ATP2A1: variants seen among roughly 807,000 people sequenced by gnomAD.
The protein encoded by ATP2A1 is sarcoplasmic/endoplasmic reticulum calcium ATPase 1.
ATP2A1 carries 83 observed loss-of-function variants against 109.5 expected under a neutral mutation model. That is an observed-to-expected ratio of 0.76 (90% CI 0.63 to 0.91). The LOEUF is 0.91. Ranked by LOEUF, ATP2A1 falls within the 40% of genes least tolerant of loss-of-function variation. ATP2A1 has a pLI of 0.00. For missense variants in ATP2A1, 1,101 were observed against 1,341.0 expected (o/e 0.82, Z 2.80); for synonymous variants, 505 against 537.6 (o/e 0.94, Z 0.84).
chr16:28,882,336 A>G (rs1567479771), intron 4 of ATP2A1, 115 bp from the exon 5 acceptor site: 1 of 1,500,042 alleles, frequency 6.7e-7, no homozygotes, highest in Non-Finnish European at 9.2e-7. Flanking sequence ...AGTTTCCTCA[A>G]CATACACACA....
chr16:28,890,568 T>C (rs1963740605), intron 9 of ATP2A1, among the ~76,000 whole-genome samples: 1 of 152,008 alleles, frequency 6.6e-6, no homozygotes, highest in Non-Finnish European at 1.5e-5. Flanking sequence ...GGCGGAAGGA[T>C]CACTTGAGCC....
intron 8 of ATP2A1, 96 bp from the exon 9 acceptor site, chr16:28,888,691 C>A (rs1362886664): frequency 7.0e-7 from 1 of 1,436,922 alleles, no homozygotes; most frequent in South Asian, 1.3e-5. Context: ...AGGTGTGCAC[C>A]AACGTGCCCA....
Position 28,898,287 on chromosome 16 carries a change from C to T in ATP2A1, c.1600C>T (p.Arg534Trp), listed in dbSNP as rs376651574. 39 of 1,614,092 alleles carry T rather than the reference C, an allele frequency of 2.4e-5. No individual in the cohort carries two copies. The highest frequency in any genetic ancestry group is 2.0e-4 in the South Asian group (18 of 91,090). ...TAACTATGTGCGAGTTGGCACCACC[C>T]GGGTGCCACTGACGGGGCCGGTGAA... The part of the protein sequence containing the change: ...RCNYVRVGTT[R>W]VPLTGPVKEK... Residue 534 changes from arginine (R) to tryptophan (W), a missense_variant, in exon 14 of 23, where the codon CGG (arginine) becomes TGG (tryptophan). By Grantham distance (101) the Arg-to-Trp change is moderately radical (BLOSUM62 -3). Transcript: ENST00000395503. The surrounding 1 kb of genome is among the most constrained non-coding windows in gnomAD (Gnocchi z 4.0).
In ATP2A1 at chr16:28,879,117, GT is replaced by G; in HGVS notation, c.136+2del. 1 of 1,614,062 alleles carries G rather than the reference GT, an allele frequency of 6.2e-7. No homozygotes were observed. Among genetic ancestry groups the G allele is most frequent in the Non-Finnish European group, 8.5e-7 (1 of 1,179,996 alleles). ...TGGGTAGAGCTCCCTGCTGAGGAAG[GT>G]AAGTTACTGGAATCCCTGAACTCTC... On this transcript the variant is annotated splice_donor_variant, in intron 2 of 22. Transcript: ENST00000395503. LOFTEE classifies it high-confidence loss of function.
rs1347500293 is a variant in ATP2A1, at chr16:28,880,150, C to T, written c.219+567C>T. ...CCGCCCAGCCTGGCCTTAGCCCTTC[C>T]CCGCGCTCCCTAGGCACCCCCACCC... On this transcript the variant is annotated intron_variant, in intron 3 of 22. Coordinates refer to ENST00000395503, the MANE Select transcript of ATP2A1 (RefSeq NM_004320.6). This position sits in a 1 kb window ranked among gnomAD's most constrained non-coding sequence, Gnocchi z 4.2. 2.8e-5 allele frequency: 28 copies of T among 993,774 alleles called. No homozygotes were observed. Among genetic ancestry groups the T allele is most frequent in the Non-Finnish European group, 3.3e-5 (28 of 836,240 alleles). The allele number at this position is 993,774 out of a possible 1,614,324, so 61.6% of individuals were successfully genotyped here.
chr16:28,884,079 T>C (rs1459965236), intron 5 of ATP2A1, among the ~76,000 whole-genome samples: 2 of 152,102 alleles, frequency 1.3e-5, no homozygotes, highest in African/African-American at 2.4e-5. Context: ...CACTTCATTC[T>C]CTCACCCCGA....
At chr16:28,900,968 G>A in intron 15 of ATP2A1, 52 bp downstream of exon 15, 3 of 1,607,960 alleles carry the variant, frequency 1.9e-6, no homozygotes, top group Non-Finnish European at 2.6e-6. Context: ...ATGACCAGAT[G>A]ACTGTGCTGG....
chr16:28,879,264 C>A, intron 2 of ATP2A1, 148 bp downstream of exon 2: 4 of 1,112,310 alleles, frequency 3.6e-6, no homozygotes, highest in South Asian at 2.5e-5. Flanking sequence ...GAGTCCTGTC[C>A]GGGGCAGAAG....
At chr16:28,884,193 C>T (rs1209153145) in intron 5 of ATP2A1, among the ~76,000 whole-genome samples, 3 of 152,104 alleles carry the variant, frequency 2.0e-5, no homozygotes. Flanking sequence ...AGCTTCTTGT[C>T]CTACAGCTGG....
chr16:28,894,244 G>T lies in ATP2A1; in HGVS notation c.1184+1G>T. 3 of 1,613,450 alleles carry T rather than the reference G, an allele frequency of 1.9e-6. No homozygotes were observed. Among genetic ancestry groups the T allele is most frequent in the Non-Finnish European group, 2.5e-6 (3 of 1,179,574 alleles). ...CCACTTACGCTCCAGAGGGAGAGGTGTAAGTCACCCAGGCATCTTCTCCCC... is the reference window on the plus strand; with the variant it reads ...CCACTTACGCTCCAGAGGGAGAGGTTTAAGTCACCCAGGCATCTTCTCCCC... On this transcript the variant is annotated splice_donor_variant, in intron 10 of 22. Transcript: ENST00000395503. LOFTEE classifies it high-confidence loss of function.
rs1417056240 is a variant in ATP2A1, at chr16:28,880,364, G to C, written c.220-551G>C. Among the ~76,000 whole-genome samples the C allele has an allele frequency of 6.6e-6, 1 of 152,260 alleles. No individual in the cohort carries two copies. The highest frequency in any genetic ancestry group is 6.5e-5 in the Admixed American group (1 of 15,294). On this transcript the variant is annotated intron_variant, in intron 3 of 22. Coordinates refer to ENST00000395503, the MANE Select transcript of ATP2A1 (RefSeq NM_004320.6). This position sits in a 1 kb window ranked among gnomAD's most constrained non-coding sequence, Gnocchi z 4.2. ...CCGTCGCGTTAAGCACAAGCTGGCA[G>C]GGCCTCTCCTCTCCCTTCTCAGATT...
At chr16:28,879,367 C>T (rs1963382293) in intron 2 of ATP2A1, 134 bp from the exon 3 acceptor site, 3 of 953,304 alleles carry the variant, frequency 3.1e-6, no homozygotes, top group African/African-American at 3.2e-5. Context: ...GCTTCTTAGC[C>T]CTTCTCTGGG....
intron 9 of ATP2A1, among the ~76,000 whole-genome samples, chr16:28,893,215 T>C (rs1338616317): frequency 6.9e-6 from 1 of 145,890 alleles, no homozygotes; most frequent in East Asian, 2.0e-4. Context: ...GAGACCCAAT[T>C]TCTACCAAAA....
At chr16:28,879,269 C>A in intron 2 of ATP2A1, 153 bp downstream of exon 2, 2 of 1,057,308 alleles carry the variant, frequency 1.9e-6, no homozygotes, top group African/African-American at 1.6e-5. Context: ...CTGTCCGGGG[C>A]AGAAGTCTCC....
In ATP2A1 at chr16:28,902,695, G is replaced by A; in HGVS notation, c.2610+30G>A. Reference sequence around the variant, plus strand: ...GGGGAGGCCACAAAGGAGGGGACCAGGAGGGTGTGGGGATGCAGGAGGGTA... The same window carrying A: ...GGGGAGGCCACAAAGGAGGGGACCAAGAGGGTGTGGGGATGCAGGAGGGTA... On this transcript the variant is annotated intron_variant, in intron 18 of 22. Coordinates refer to ENST00000395503, the MANE Select transcript of ATP2A1 (RefSeq NM_004320.6). The surrounding 1 kb of genome is among the most constrained non-coding windows in gnomAD (Gnocchi z 4.8). The A allele has an allele frequency of 6.2e-7, 1 of 1,613,966 alleles. No individual in the cohort carries two copies. The highest frequency in any genetic ancestry group is 8.5e-7 in the Non-Finnish European group (1 of 1,179,912).
Position 28,882,487 on chromosome 16 carries a change from G to C in ATP2A1, c.361G>C (p.Glu121Gln), listed in dbSNP as rs560022895. 6.2e-7 allele frequency: 1 copy of C among 1,614,206 alleles called. No homozygotes were observed. Among genetic ancestry groups the C allele is most frequent in the African/African-American group, 1.3e-5 (1 of 75,052 alleles). The change falls in exon 5 of 23, where the codon GAG becomes CAG. Residue 121 changes from glutamate (E) to glutamine (Q), a missense_variant. Coordinates refer to ENST00000395503, the MANE Select transcript of ATP2A1 (RefSeq NM_004320.6). ...NAENAIEALK[E>Q]YEPEMGKVYR... ...AGAGAACGCCATCGAGGCCCTGAAG[G>C]AGTATGAGCCAGAGATGGGGAAGGT...
At chr16:28,901,505 T>G (rs1348096770) in intron 15 of ATP2A1, among the ~76,000 whole-genome samples, 1 of 152,098 alleles carries the variant, frequency 6.6e-6, no homozygotes, top group Non-Finnish European at 1.5e-5. Context: ...TGGTGGCACA[T>G]GCCTGTAGTC....
Position 28,902,061 on chromosome 16 carries a change from T to TC in ATP2A1, c.2301dup (p.Asn768GlnfsTer18). The stretch of plus-strand genomic sequence containing the variant: ...GCAGTTCATCCGCTACCTCATTTCC[T>TC]CCAACGTGGGCGAGGTGGTCTGGTG... On this transcript the variant is annotated frameshift_variant, in exon 16 of 23. Coordinates refer to ENST00000395503, the MANE Select transcript of ATP2A1 (RefSeq NM_004320.6). LOFTEE classifies it high-confidence loss of function. The surrounding 1 kb of genome is among the most constrained non-coding windows in gnomAD (Gnocchi z 4.8). 6.2e-7 allele frequency: 1 copy of TC among 1,614,228 alleles called. No individual in the cohort carries two copies. The highest frequency in any genetic ancestry group is 1.1e-5 in the South Asian group (1 of 91,088).
Position 28,887,312 on chromosome 16 carries a change from A to G in ATP2A1, c.630+38A>G. 5 of 1,613,470 alleles carry G rather than the reference A, an allele frequency of 3.1e-6. No homozygotes were observed. In the South Asian group the frequency reaches 5.5e-5, roughly 18 times the overall value. On this transcript the variant is annotated intron_variant, in intron 7 of 22. Coordinates refer to ENST00000395503, the MANE Select transcript of ATP2A1 (RefSeq NM_004320.6). ...GGACCAGCCATCACACACTCAGTCAAGCCAGGTGCCCGGGTTGGAGAGAAA... is the reference window on the plus strand; with the variant it reads ...GGACCAGCCATCACACACTCAGTCAGGCCAGGTGCCCGGGTTGGAGAGAAA...
Sources: gnomAD v4.1 joint callset for allele counts (sites outside exome capture counted in the v4.1 genomes callset) on GRCh38, gnomAD v4.1.1 for gene constraint, Gnocchi (gnomAD v3.1) non-coding constraint, MANE v1.5 for transcripts, NCBI Gene and HGNC (gene_info 2026-07-23, HGNC 2026-07-21) for gene names.